KHDRBS2: variants seen among roughly 807,000 people sequenced by gnomAD.
KHDRBS2 encodes the protein KH RNA binding domain containing, signal transduction associated 2.
In KHDRBS2, 26 loss-of-function variants were observed where a neutral mutation model predicts 44.3. That is an observed-to-expected ratio of 0.59 (90% CI 0.43 to 0.81). The LOEUF (loss-of-function observed/expected upper bound fraction) is 0.81. KHDRBS2 is among the 40% of genes least tolerant of loss of function. KHDRBS2 has a pLI of 0.00. For missense variants in KHDRBS2, 476 were observed against 433.1 expected, an observed-to-expected ratio of 1.10 and a Z score of -0.88; for synonymous variants, 194 against 151.1, an observed-to-expected ratio of 1.28 and a Z score of -2.08.
At chr6:61,563,905 A>T in the KHDRBS2 span, among the ~76,000 whole-genome samples, 2 of 152,106 alleles carry the variant, frequency 1.3e-5, no homozygotes, top group Non-Finnish European at 2.9e-5. Context: ...CCATTATACA[A>T]GTTAAAGTTT....
At position 61,732,697 on chromosome 6, in the gene KHDRBS2, G is replaced by C. The variant is rs201333575; in HGVS notation, c.878C>G (p.Ala293Gly). Residue 293 changes from alanine to glycine, a missense_variant, in exon 7 of 9, where the codon GCG (alanine) becomes GGG (glycine). Coordinates refer to ENST00000281156, the MANE Select transcript of KHDRBS2 (RefSeq NM_152688.4). ...AATGCCTTACCTTTGTGTTTGGGTC[G>C]CATAGCTGTTATCATAAGTCTCATA... is the stretch of plus-strand genomic sequence containing the variant. Reference protein sequence around the residue: ...QTYETYDNSYATQTQSVPEYY... With the variant: ...QTYETYDNSYGTQTQSVPEYY... 2.8e-5 allele frequency: 45 copies of C among 1,605,474 alleles called. No homozygotes were observed. The highest frequency in any genetic ancestry group is 3.8e-5 in the Non-Finnish European group (45 of 1,172,562).
the KHDRBS2 span, among the ~76,000 whole-genome samples, chr6:61,562,786 T>C: frequency 2.6e-5 from 4 of 152,296 alleles, no homozygotes; most frequent in Admixed American, 2.0e-4. Flanking sequence ...TTCCTCTGGA[T>C]AAAGCCACAT....
In KHDRBS2 at chr6:61,934,752, G is replaced by C. The variant is rs1235791410; in HGVS notation, c.484-33381C>G. Among the ~76,000 whole-genome samples the C allele has an allele frequency of 8.5e-5, 13 of 152,158 alleles. No individual in the cohort carries two copies. In the East Asian group the frequency reaches 2.5e-3, roughly 29 times the overall value. ...GAATGCACTCAGAATCCCAAATTGG[G>C]GTAACAGGAACTTGCAGTTTAAGAA... On this transcript the variant is annotated intron_variant, in intron 4 of 8. Transcript: ENST00000281156.
At chr6:61,857,261 A>G (rs1288310342) in intron 6 of KHDRBS2, among the ~76,000 whole-genome samples, 1 of 152,122 alleles carries the variant, frequency 6.6e-6, no homozygotes, top group Non-Finnish European at 1.5e-5. Flanking sequence ...GCATATAACT[A>G]AAATATTTCA....
chr6:62,196,561 T>C (rs910673140), intron 1 of KHDRBS2, among the ~76,000 whole-genome samples: 4 of 146,618 alleles, frequency 2.7e-5, no homozygotes, highest in African/African-American at 1.0e-4. Flanking sequence ...CTGAGGTATG[T>C]ACATCTGTGG....
intron 4 of KHDRBS2, among the ~76,000 whole-genome samples, chr6:61,904,265 C>T (rs1194738909): frequency 2.0e-5 from 3 of 152,138 alleles, no homozygotes; most frequent in Non-Finnish European, 4.4e-5. Flanking sequence ...AATCTTTGCT[C>T]AGAGTCCATG....
chr6:62,224,051 T>C (rs898621244), intron 1 of KHDRBS2, among the ~76,000 whole-genome samples: 39 of 152,276 alleles, frequency 2.6e-4, no homozygotes, highest in African/African-American at 9.1e-4. Flanking sequence ...TTTACTGTAT[T>C]AGTCTATTTT....
intron 1 of KHDRBS2, among the ~76,000 whole-genome samples, chr6:62,208,246 G>T (rs1338301174): frequency 3.9e-5 from 6 of 152,030 alleles, no homozygotes; most frequent in Non-Finnish European, 7.4e-5. Context: ...TACAGACAAG[G>T]TCTCCCTTTG....
At chr6:62,253,891 T>C (rs2150176648) in intron 1 of KHDRBS2, among the ~76,000 whole-genome samples, 1 of 152,120 alleles carries the variant, frequency 6.6e-6, no homozygotes, top group African/African-American at 2.4e-5. Context: ...GAATATTTTT[T>C]CTGCATTTAC....
the KHDRBS2 span, among the ~76,000 whole-genome samples, chr6:61,610,190 A>T: frequency 1.0e-5 from 1 of 98,088 alleles, no homozygotes; most frequent in African/African-American, 4.5e-5. Context: ...TATATATTTA[A>T]AAAAAAAAAT....
At chr6:62,217,326 T>A (rs1350130286) in intron 1 of KHDRBS2, among the ~76,000 whole-genome samples, 1 of 151,828 alleles carries the variant, frequency 6.6e-6, no homozygotes, top group Non-Finnish European at 1.5e-5. Context: ...AACTGGGTTG[T>A]GACTTTTTTA....
At chr6:61,654,722 C>T in the KHDRBS2 span, among the ~76,000 whole-genome samples, 14 of 151,310 alleles carry the variant, frequency 9.3e-5, no homozygotes, top group Admixed American at 7.9e-4. Context: ...AGGAGCAAGT[C>T]GTAACTAACC....
At chr6:61,981,527 G>A (rs1006594956) in intron 3 of KHDRBS2, among the ~76,000 whole-genome samples, 19 of 150,970 alleles carry the variant, frequency 1.3e-4, no homozygotes, top group African/African-American at 2.7e-4. Flanking sequence ...ATGTTACCTC[G>A]TATACTTACT....
chr6:62,185,156 T>G (rs1310048844), intron 1 of KHDRBS2, among the ~76,000 whole-genome samples: 1 of 151,970 alleles, frequency 6.6e-6, no homozygotes, highest in Admixed American at 6.6e-5. Context: ...TGTTTTGATA[T>G]TATTACACCT....
intron 2 of KHDRBS2, among the ~76,000 whole-genome samples, chr6:62,104,164 A>C (rs1350011326): frequency 6.6e-6 from 1 of 152,238 alleles, no homozygotes; most frequent in African/African-American, 2.4e-5. Flanking sequence ...GACTTAAACA[A>C]AACTTTCAAT....
chr6:61,690,614 TACTTATGTTTATTACTACTTAA>T (rs2127541598), intron 8 of KHDRBS2, among the ~76,000 whole-genome samples: 1 of 152,220 alleles, frequency 6.6e-6, no homozygotes, highest in African/African-American at 2.4e-5. Flanking sequence ...AAAAGGTAGT[TACTTATGTTTATTACTACTTAA>T]ACTTACAGTT....
intron 6 of KHDRBS2, among the ~76,000 whole-genome samples, chr6:61,832,600 T>G (rs963625168): frequency 1.3e-5 from 2 of 151,922 alleles, no homozygotes; most frequent in African/African-American, 4.8e-5. Context: ...AAAAAAAAAC[T>G]ATCTGTAAGA....
Position 62,044,580 on chromosome 6 carries a change from T to G in KHDRBS2, c.336+3298A>C, listed in dbSNP as rs535223540. On this transcript the variant is annotated intron_variant, in intron 3 of 8. Coordinates refer to ENST00000281156, the MANE Select transcript of KHDRBS2 (RefSeq NM_152688.4). ...GCATACCCAACATAGAAAAGCAATC[T>G]GCATTATCATGTCTTATAAAGGTGA... Among the ~76,000 whole-genome samples the G allele has an allele frequency of 5.9e-5, 9 of 152,180 alleles. No individual in the cohort carries two copies. In the East Asian group the frequency reaches 1.7e-3, roughly 29 times the overall value.
chr6:61,696,101 C>T (rs528548950), intron 8 of KHDRBS2, among the ~76,000 whole-genome samples: 1 of 151,888 alleles, frequency 6.6e-6, no homozygotes. Context: ...CCTGTCTCAG[C>T]CTCTGGAGTA....
Sources: gnomAD v4.1 joint callset for allele counts (sites outside exome capture counted in the v4.1 genomes callset) on GRCh38, gnomAD v4.1.1 for gene constraint, MANE v1.5 for transcripts, NCBI Gene and HGNC (gene_info 2026-07-23, HGNC 2026-07-21) for gene names.